DYRK2: variants seen among roughly 807,000 people sequenced by gnomAD.
The protein encoded by DYRK2 is dual specificity tyrosine-phosphorylation-regulated kinase 2.
Under a neutral mutation model 41.6 loss-of-function variants are expected in DYRK2, and 12 were observed. The observed-to-expected ratio is 0.29, with a 90% CI of 0.18 to 0.47. The LOEUF is 0.47. Among genes scored for constraint, DYRK2 ranks in the 20% least tolerant of loss-of-function variants. The pLI is 1.00. For missense variants in DYRK2, 678 were observed against 798.4 expected (o/e 0.85, Z 1.82); for synonymous variants, 322 against 315.7 (o/e 1.02, Z -0.21).
Position 67,649,167 on chromosome 12 carries a change from G to T in DYRK2, c.34G>T (p.Ala12Ser). 1 of 1,512,318 alleles carries T rather than the reference G, an allele frequency of 6.6e-7. No individual in the cohort carries two copies. The allele number at this position is 1,512,318 out of a possible 1,614,324, so 93.7% of individuals were successfully genotyped here. A position where few individuals can be genotyped will look rare whatever the true frequency, so the allele number is the denominator to read the frequency against. The change falls in exon 1 of 3, where the codon GCC (alanine) becomes TCC (serine). Residue 12 changes from alanine (A) to serine (S), a missense_variant. Ala to Ser is a moderately conservative substitution (Grantham distance 99). Transcript: ENST00000344096. ...CAGGAAACCTTCGGCCGCCGCTCCC[G>T]CCGCCTACCCGACCGGTAAGGAGGC... Reference protein sequence around the residue: ...LTRKPSAAAPAAYPTGRGGDS... With the variant: ...LTRKPSAAAPSAYPTGRGGDS...
In DYRK2 at chr12:67,660,333, TTAA is replaced by T. The variant is rs1872589005; in HGVS notation, c.*1628_*1630del. The T allele has an allele frequency of 6.0e-6, 1 of 166,990 alleles. No individual in the cohort carries two copies. The highest frequency in any genetic ancestry group is 2.1e-4 in the South Asian group (1 of 4,822). The allele number at this position is 166,990 out of a possible 1,614,324, so 10.3% of individuals were successfully genotyped here. A position where few individuals can be genotyped will look rare whatever the true frequency, so the allele number is the denominator to read the frequency against. ...CCAAGAAAGTTTCCGGTTAAGTTCTTTAATAATAATCCTACAGTTTATCTTAAG... is the reference window on the plus strand; with the variant it reads ...CCAAGAAAGTTTCCGGTTAAGTTCTTTAATAATCCTACAGTTTATCTTAAG... On this transcript the variant is annotated 3_prime_UTR_variant, in exon 3 of 3. Coordinates refer to ENST00000344096, the MANE Select transcript of DYRK2 (RefSeq NM_006482.3).
intron 2 of DYRK2, among the ~76,000 whole-genome samples, chr12:67,651,076 T>C (rs1202945983): frequency 6.6e-6 from 1 of 152,228 alleles, no homozygotes; most frequent in African/African-American, 2.4e-5. Flanking sequence ...GTTTTGTTGC[T>C]GTTACTATCT....
intron 2 of DYRK2, among the ~76,000 whole-genome samples, chr12:67,656,232 G>T (rs1872464993): frequency 6.6e-6 from 1 of 152,186 alleles, no homozygotes; most frequent in African/African-American, 2.4e-5. Context: ...ACCATTGATA[G>T]AATTTAGACA....
Position 67,649,019 on chromosome 12 carries a change from CGCCGGGGACCCGCGCGAGGGGCG to C in DYRK2, c.-108_-86del. The stretch of plus-strand genomic sequence containing the variant: ...TAGCAGACGCGAGGCGGCGACGAGG[CGCCGGGGACCCGCGCGAGGGGCG>C]GCCGGGAGGCGGCGGCGGCGGCCGC... On this transcript the variant is annotated 5_prime_UTR_variant, in exon 1 of 3. An upstream open reading frame in the 5' UTR loses its in-frame stop. Transcript: ENST00000344096. 1 of 869,294 alleles carries C rather than the reference CGCCGGGGACCCGCGCGAGGGGCG, an allele frequency of 1.2e-6. No homozygotes were observed. Among genetic ancestry groups the C allele is most frequent in the Non-Finnish European group, 1.6e-6 (1 of 630,250 alleles). The allele number at this position is 869,294 out of a possible 1,614,324, so 53.8% of individuals were successfully genotyped here. A position where few individuals can be genotyped will look rare whatever the true frequency, so the allele number is the denominator to read the frequency against.
rs1872507586 is a variant in DYRK2, at chr12:67,657,405, A to C, written c.498A>C (p.Lys166Asn). ...AAGCAATGAAGCAATACATGCAAAAACTCACAGCCTTCGAACACCATGAGA... is the reference window on the plus strand; with the variant it reads ...AAGCAATGAAGCAATACATGCAAAACCTCACAGCCTTCGAACACCATGAGA... ...PEQAMKQYMQKLTAFEHHEIF... is the reference protein window; with the variant it reads ...PEQAMKQYMQNLTAFEHHEIF... Residue 166 changes from lysine (K) to asparagine (N), a missense_variant, in exon 3 of 3, where the codon AAA becomes AAC. By Grantham distance (94) the Lys-to-Asn change is moderately conservative. This residue lies in a region of DYRK2 where 285 missense variants were observed against 279.2 expected (regional missense o/e 1.02). Transcript: ENST00000344096. The surrounding 1 kb of genome is among the most constrained non-coding windows in gnomAD (Gnocchi z 4.8). 1.2e-6 allele frequency: 2 copies of C among 1,613,984 alleles called. No homozygotes were observed. The highest frequency in any genetic ancestry group is 1.7e-6 in the Non-Finnish European group (2 of 1,179,994).
chr12:67,657,352 G>T lies in DYRK2; in HGVS notation c.445G>T (p.Val149Leu). ...AAAGTCCATGGAAGGCATGGGGAAG[G>T]TGAAAGCCACCCCCATGACACCTGA... Reference protein sequence around the residue: ...SLKSMEGMGKVKATPMTPEQA... With the variant: ...SLKSMEGMGKLKATPMTPEQA... Residue 149 changes from valine to leucine, a missense_variant, in exon 3 of 3, where the codon GTG (valine) becomes TTG (leucine). Physicochemically the swap from Val to Leu is conservative, Grantham distance 32. This residue lies in a region of DYRK2 where 285 missense variants were observed against 279.2 expected (regional missense o/e 1.02). Coordinates refer to ENST00000344096, the MANE Select transcript of DYRK2 (RefSeq NM_006482.3). The surrounding 1 kb of genome is among the most constrained non-coding windows in gnomAD (Gnocchi z 4.8). 2 of 1,614,076 alleles carry T rather than the reference G, an allele frequency of 1.2e-6. No homozygotes were observed. The highest frequency in any genetic ancestry group is 1.7e-6 in the Non-Finnish European group (2 of 1,180,012).
intron 2 of DYRK2, 132 bp from the exon 3 acceptor site, chr12:67,656,974 G>A (rs1272880041): frequency 1.3e-5 from 12 of 921,496 alleles, no homozygotes; most frequent in Non-Finnish European, 1.9e-5. Context: ...CACATGTTTT[G>A]TGGCTTTTAC....
chr12:67,658,997 A>G lies in DYRK2; in HGVS notation c.*284A>G, dbSNP rs1256697608. 3.5e-6 allele frequency: 1 copy of G among 282,536 alleles called. No homozygotes were observed. The highest frequency in any genetic ancestry group is 2.2e-5 in the African/African-American group (1 of 44,724). The allele number at this position is 282,536 out of a possible 1,614,324, so 17.5% of individuals were successfully genotyped here. On this transcript the variant is annotated 3_prime_UTR_variant, in exon 3 of 3. Coordinates refer to ENST00000344096, the MANE Select transcript of DYRK2 (RefSeq NM_006482.3). The surrounding 1 kb of genome is among the most constrained non-coding windows in gnomAD (Gnocchi z 4.3). ...AGAATAATAACATCAGTGGCAGGCC[A>G]CTGATTACTTCATGACTGCCACGCA...
intron 2 of DYRK2, among the ~76,000 whole-genome samples, chr12:67,650,718 A>G (rs1872298610): frequency 6.6e-6 from 1 of 152,198 alleles, no homozygotes; most frequent in Non-Finnish European, 1.5e-5. Flanking sequence ...CGACTAAAGC[A>G]TGTACCTTTT....
rs1406956662 is a variant in DYRK2, at chr12:67,665,249, T to G, written c.*6536T>G. The G allele has an allele frequency of 6.6e-6, 1 of 152,222 alleles. No individual in the cohort carries two copies. Among genetic ancestry groups the G allele is most frequent in the Non-Finnish European group, 1.5e-5 (1 of 68,028 alleles). The allele number at this position is 152,222 out of a possible 1,614,324, so 9.4% of individuals were successfully genotyped here. A position where few individuals can be genotyped will look rare whatever the true frequency, so the allele number is the denominator to read the frequency against. ...TTATATATTAAGGCTATTTCTTCATTTGTAAAAATGAAGTATGCTATTTGC... is the reference window on the plus strand; with the variant it reads ...TTATATATTAAGGCTATTTCTTCATGTGTAAAAATGAAGTATGCTATTTGC... On this transcript the variant is annotated 3_prime_UTR_variant, in exon 3 of 3. Coordinates refer to ENST00000344096, the MANE Select transcript of DYRK2 (RefSeq NM_006482.3).
chr12:67,657,018 G>GGGGGCGGT lies in DYRK2; in HGVS notation c.199-85_199-78dup. 3 of 1,331,524 alleles carry GGGGGCGGT rather than the reference G, an allele frequency of 2.3e-6. No individual in the cohort carries two copies. Among genetic ancestry groups the GGGGGCGGT allele is most frequent in the Non-Finnish European group, 3.0e-6 (3 of 999,310 alleles). The allele number at this position is 1,331,524 out of a possible 1,614,324, so 82.5% of individuals were successfully genotyped here. On this transcript the variant is annotated intron_variant, in intron 2 of 2. Transcript: ENST00000344096. This position sits in a 1 kb window ranked among gnomAD's most constrained non-coding sequence, Gnocchi z 4.8. ...AATGGGATTTTGTAAATGTGAGGTT[G>GGGGGCGGT]GGGGCGGTGGTGTTGTTGGGGGTTA...
Position 67,657,507 on chromosome 12 carries a change from T to C in DYRK2, c.600T>C (p.Asn200=). Residue 200 remains asparagine (N), a synonymous_variant, in exon 3 of 3, where the codon AAT becomes AAC. Coordinates refer to ENST00000344096, the MANE Select transcript of DYRK2 (RefSeq NM_006482.3). This position sits in a 1 kb window ranked among gnomAD's most constrained non-coding sequence, Gnocchi z 4.8. ...AGGGCATGACAGGTGGGCCCAACAA[T>C]GGTGGCTATGATGATGACCAGGGAT... is the stretch of plus-strand genomic sequence containing the variant. ...KRQGMTGGPN[N]GGYDDDQGSY... is the part of the protein sequence containing the mutation. The C allele has an allele frequency of 6.2e-7, 1 of 1,613,968 alleles. No homozygotes were observed.
chr12:67,653,115 C>T (rs1210092347), intron 2 of DYRK2, among the ~76,000 whole-genome samples: 1 of 152,224 alleles, frequency 6.6e-6, no homozygotes, highest in East Asian at 1.9e-4. Context: ...CAGGATTGAG[C>T]CCCTGTGCCC....
chr12:67,649,315 G>A, intron 1 of DYRK2, 133 bp downstream of exon 1: 3 of 652,500 alleles, frequency 4.6e-6, no homozygotes, highest in Non-Finnish European at 4.2e-6. Flanking sequence ...CCCCCGGGCG[G>A]ACGACGCGCC....
rs966613749 is a variant in DYRK2 at position 67,660,392 on chromosome 12, A to G, written c.*1679A>G. 1 of 166,986 alleles carries G rather than the reference A, an allele frequency of 6.0e-6. No homozygotes were observed. The highest frequency in any genetic ancestry group is 1.5e-5 in the Non-Finnish European group (1 of 68,076). 10.3% of individuals were successfully genotyped at this position (166,986 alleles called of 1,614,324 possible). On this transcript the variant is annotated 3_prime_UTR_variant, in exon 3 of 3. Coordinates refer to ENST00000344096, the MANE Select transcript of DYRK2 (RefSeq NM_006482.3). ...AAAAAAGGTTTGAAAAAAACACTTT[A>G]ATTTAGGCTTCGTTGGTTGATGGTG... is the stretch of plus-strand genomic sequence containing the variant.
chr12:67,658,539 C>T lies in DYRK2; in HGVS notation c.1632C>T (p.Thr544=), dbSNP rs146776716. 23 of 1,613,792 alleles carry T rather than the reference C, an allele frequency of 1.4e-5. No individual in the cohort carries two copies. The highest frequency in any genetic ancestry group is 1.7e-4 in the Middle Eastern group (1 of 6,060). ...GGAGGCGGTTGCCAAAGCCTCCCAC[C>T]GGGGAGAAAACGTCAGTGAAAAGGA... is the stretch of plus-strand genomic sequence containing the variant. ...WLRRRLPKPP[T]GEKTSVKRIT... is the part of the protein sequence containing the mutation. The change falls in exon 3 of 3, where the codon ACC becomes ACT. Residue 544 remains threonine, a synonymous_variant. Transcript: ENST00000344096. This position sits in a 1 kb window ranked among gnomAD's most constrained non-coding sequence, Gnocchi z 4.3.
In DYRK2 at chr12:67,664,370, T is replaced by G. The variant is rs1454686158; in HGVS notation, c.*5657T>G. On this transcript the variant is annotated 3_prime_UTR_variant, in exon 3 of 3. Transcript: ENST00000344096. ...GAAGAAAGCTGACATTTTAGGAGTA[T>G]TAAGTCATCTGTCGTTAAGGAGCAG... is the stretch of plus-strand genomic sequence containing the variant. The G allele has an allele frequency of 6.6e-6, 1 of 152,126 alleles. No homozygotes were observed. The highest frequency in any genetic ancestry group is 1.5e-5 in the Non-Finnish European group (1 of 67,994). The allele number at this position is 152,126 out of a possible 1,614,324, so 9.4% of individuals were successfully genotyped here.
rs757234538 is a variant in DYRK2, at chr12:67,649,187, G to A, written c.49+5G>A. The A allele has an allele frequency of 6.7e-6, 10 of 1,502,210 alleles. No individual in the cohort carries two copies. Among genetic ancestry groups the A allele is most frequent in the Non-Finnish European group, 8.9e-6 (10 of 1,120,198 alleles). The allele number at this position is 1,502,210 out of a possible 1,614,324, so 93.1% of individuals were successfully genotyped here. A position where few individuals can be genotyped will look rare whatever the true frequency, so the allele number is the denominator to read the frequency against. On this transcript the variant is annotated splice_donor_5th_base_variant and intron_variant, in intron 1 of 2. Coordinates refer to ENST00000344096, the MANE Select transcript of DYRK2 (RefSeq NM_006482.3). ...CTCCCGCCGCCTACCCGACCGGTAA[G>A]GAGGCCGTGCCGCCGCGCCGCATCC...
rs544641881 is a variant in DYRK2, at chr12:67,659,396, G to A, written c.*683G>A. On this transcript the variant is annotated 3_prime_UTR_variant, in exon 3 of 3. Coordinates refer to ENST00000344096, the MANE Select transcript of DYRK2 (RefSeq NM_006482.3). ...CGTGTGTGTTCCTCCAAATTTTCTA[G>A]TATGATCGGTGAGCTGTTTTGTAAA... 5 of 167,222 alleles carry A rather than the reference G, an allele frequency of 3.0e-5. No homozygotes were observed. The South Asian group carries it at 8.3e-4, about 28-fold the overall frequency. The allele number at this position is 167,222 out of a possible 1,614,324, so 10.4% of individuals were successfully genotyped here.
Sources: gnomAD v4.1 joint callset for allele counts (sites outside exome capture counted in the v4.1 genomes callset) on GRCh38, gnomAD v4.1.1 for gene constraint, gnomAD v4.1.1 regional missense constraint, Gnocchi (gnomAD v3.1) non-coding constraint, MANE v1.5 for transcripts, NCBI Gene and HGNC (gene_info 2026-07-23, HGNC 2026-07-21) for gene names.